SLCO5A1: variants seen among roughly 807,000 people sequenced by gnomAD.
SLCO5A1 encodes organic anion transporter polypeptide-related protein 4.
Under a neutral mutation model 65.1 loss-of-function variants are expected in SLCO5A1, and 39 were observed. That is an observed-to-expected ratio of 0.60 (90% confidence interval 0.46 to 0.78). The LOEUF is 0.78. Ranked by LOEUF, SLCO5A1 falls within the 30% of genes least tolerant of loss-of-function variation. SLCO5A1 has a pLI of 0.00. For synonymous variants in SLCO5A1, 438 were observed against 415.7 expected, an observed-to-expected ratio of 1.05 and a Z score of -0.65; for missense variants, 1,029 against 1,069.4, an observed-to-expected ratio of 0.96 and a Z score of 0.53.
intron 2 of SLCO5A1, among the ~76,000 whole-genome samples, chr8:69,783,672 C>T (rs562879705): frequency 3.0e-4 from 46 of 151,988 alleles, no homozygotes; most frequent in Admixed American, 1.4e-3. Flanking sequence ...CCCAAAACAC[C>T]CCATTCCCTA....
At chr8:69,798,009 G>A (rs1023544381) in intron 2 of SLCO5A1, among the ~76,000 whole-genome samples, 6 of 152,172 alleles carry the variant, frequency 3.9e-5, no homozygotes, top group East Asian at 1.9e-4. Context: ...GGAACCTGCC[G>A]ACATGTGATG....
At chr8:69,768,127 G>A (rs1338484102) in intron 2 of SLCO5A1, among the ~76,000 whole-genome samples, 1 of 152,026 alleles carries the variant, frequency 6.6e-6, no homozygotes, top group Non-Finnish European at 1.5e-5. Context: ...CAGCTACTCG[G>A]GAGGCTGAAG....
chr8:69,691,413 C>G (rs754672132), intron 6 of SLCO5A1, among the ~76,000 whole-genome samples: 1 of 152,182 alleles, frequency 6.6e-6, no homozygotes, highest in African/African-American at 2.4e-5. Flanking sequence ...ATTGTTGACT[C>G]TAGACATGAT....
chr8:69,718,092 T>C (rs1815640063), intron 5 of SLCO5A1, among the ~76,000 whole-genome samples: 1 of 152,206 alleles, frequency 6.6e-6, no homozygotes, highest in Non-Finnish European at 1.5e-5. Context: ...GTTTTCAGAA[T>C]ATAAGTTTTA....
intron 5 of SLCO5A1, among the ~76,000 whole-genome samples, chr8:69,712,463 G>T (rs1488720357): frequency 6.6e-6 from 1 of 152,068 alleles, no homozygotes; most frequent in East Asian, 1.9e-4. Context: ...ATTGTAAATA[G>T]ACACAGAAAA....
chr8:69,819,536 T>C (rs556547870), intron 2 of SLCO5A1, among the ~76,000 whole-genome samples: 3 of 152,334 alleles, frequency 2.0e-5, no homozygotes, highest in Non-Finnish European at 4.4e-5. Context: ...TTTGTCATAT[T>C]TCTCAATTAA....
At chr8:69,674,471 T>C (rs1813466031) in intron 9 of SLCO5A1, among the ~76,000 whole-genome samples, 1 of 152,220 alleles carries the variant, frequency 6.6e-6, no homozygotes, top group Non-Finnish European at 1.5e-5. Context: ...ATTTTAATAT[T>C]ATTAAAGTTT....
intron 2 of SLCO5A1, among the ~76,000 whole-genome samples, chr8:69,764,656 C>T (rs964618125): frequency 2.0e-5 from 3 of 152,152 alleles, no homozygotes; most frequent in Non-Finnish European, 2.9e-5. Context: ...ATAGTCTAGA[C>T]TGTAACTCAA....
At chr8:69,719,933 A>G (rs755506987) in intron 5 of SLCO5A1, among the ~76,000 whole-genome samples, 1 of 152,224 alleles carries the variant, frequency 6.6e-6, no homozygotes, top group African/African-American at 2.4e-5. Context: ...CATTAAATAA[A>G]CACTTTCTTG....
chr8:69,714,407 C>T (rs868359927), intron 5 of SLCO5A1, among the ~76,000 whole-genome samples: 1 of 152,184 alleles, frequency 6.6e-6, no homozygotes, highest in East Asian at 1.9e-4. Context: ...CCTGAAGAAG[C>T]CTTTAGGCAG....
chr8:69,765,188 GC>G (rs1818000745), intron 2 of SLCO5A1, among the ~76,000 whole-genome samples: 1 of 151,826 alleles, frequency 6.6e-6, no homozygotes, highest in African/African-American at 2.4e-5. Context: ...GTATATGTGT[GC>G]CTGTGTGTAT....
intron 2 of SLCO5A1, among the ~76,000 whole-genome samples, chr8:69,786,804 T>C (rs764999281): frequency 6.6e-6 from 1 of 152,210 alleles, no homozygotes; most frequent in Non-Finnish European, 1.5e-5. Flanking sequence ...TGTCAAATAT[T>C]TGGAGAAAGC....
chr8:69,826,624 G>T (rs1820928155), intron 2 of SLCO5A1, among the ~76,000 whole-genome samples: 1 of 152,076 alleles, frequency 6.6e-6, no homozygotes, highest in Non-Finnish European at 1.5e-5. Flanking sequence ...TAAAAAGTCA[G>T]GAAACAACAG....
rs1813377824 is a variant in SLCO5A1 at position 69,672,751 on chromosome 8, T to C, written c.*118A>G. On this transcript the variant is annotated 3_prime_UTR_variant, in exon 10 of 10. Transcript: ENST00000260126. ...GGCTGTGTATACTGAGTTTTGTTGG[T>C]TTGAGGATTGTGTCTGTAGAGGTTA... 3.5e-6 allele frequency: 4 copies of C among 1,142,572 alleles called. No individual in the cohort carries two copies. Among genetic ancestry groups the C allele is most frequent in the South Asian group, 3.3e-5 (2 of 60,422 alleles). The allele number at this position is 1,142,572 out of a possible 1,614,324, so 70.8% of individuals were successfully genotyped here.
At chr8:69,737,338 T>C (rs1816603899) in intron 5 of SLCO5A1, among the ~76,000 whole-genome samples, 1 of 152,202 alleles carries the variant, frequency 6.6e-6, no homozygotes, top group African/African-American at 2.4e-5. Context: ...ATTAAATAAA[T>C]TAAGCCTTTA....
At chr8:69,697,330 C>T (rs1814539781) in intron 6 of SLCO5A1, among the ~76,000 whole-genome samples, 1 of 152,076 alleles carries the variant, frequency 6.6e-6, no homozygotes, top group Admixed American at 6.6e-5. Context: ...GTGGAGGTTG[C>T]AGTGAGCCGA....
chr8:69,794,669 G>T (rs1018293232), intron 2 of SLCO5A1: 124 of 317,816 alleles, frequency 3.9e-4, no homozygotes, highest in African/African-American at 2.5e-3. Flanking sequence ...GATATTTGTG[G>T]CAGATTGCCT....
intron 6 of SLCO5A1, among the ~76,000 whole-genome samples, chr8:69,697,167 G>A (rs35758755): frequency 0.04 from 6,075 of 152,262 alleles, 237 homozygotes; most frequent in African/African-American, 0.097. Context: ...TCATTCATTC[G>A]TTCATTCATT....
chr8:69,771,874 C>G (rs1479696975), intron 2 of SLCO5A1, among the ~76,000 whole-genome samples: 1 of 152,212 alleles, frequency 6.6e-6, no homozygotes, highest in African/African-American at 2.4e-5. Flanking sequence ...AGTTCTAATT[C>G]AAGTTCTCTG....
Sources: allele counts gnomAD v4.1 joint callset (sites outside exome capture counted in the v4.1 genomes callset), GRCh38; gene constraint gnomAD v4.1.1; transcripts MANE v1.5; gene names NCBI Gene and HGNC (gene_info 2026-07-23, HGNC 2026-07-21).